The following ANKRD11 variants were observed in gnomAD, a reference collection of about 807,000 sequenced individuals.
ANKRD11 encodes ankyrin repeat domain-containing protein 11.
In ANKRD11, 17 loss-of-function variants were observed where a neutral mutation model predicts 195.7. The observed-to-expected ratio is 0.09, with a 90% CI of 0.06 to 0.13. The LOEUF (loss-of-function observed/expected upper bound fraction) is 0.13, where lower values mean the gene tolerates loss of function less well. Among genes scored for constraint, ANKRD11 ranks in the 10% least tolerant of loss-of-function variants. The pLI, the probability that ANKRD11 is intolerant of heterozygous loss-of-function variation, is 1.00. For missense variants in ANKRD11, 3,735 were observed against 3,566.1 expected, an observed-to-expected ratio of 1.05 and a Z score of -1.21; for synonymous variants, 1,953 against 1,528.1, an observed-to-expected ratio of 1.28 and a Z score of -6.49.
intron 1 of ANKRD11, among the ~76,000 whole-genome samples, chr16:89,418,781 G>A (rs1298879657): frequency 9.6e-6 from 1 of 104,154 alleles, no homozygotes; most frequent in East Asian, 2.7e-4. Flanking sequence ...TTTTTTTTTT[G>A]GAGACAGAGT....
intron 3 of ANKRD11, among the ~76,000 whole-genome samples, chr16:89,309,487 A>C (rs2036491450): frequency 6.6e-6 from 1 of 152,264 alleles, no homozygotes; most frequent in East Asian, 1.9e-4. Context: ...ATGTCTATCT[A>C]TAGTTCACTT....
chr16:89,468,547 A>T (rs2056959885), intron 1 of ANKRD11, among the ~76,000 whole-genome samples: 1 of 152,170 alleles, frequency 6.6e-6, no homozygotes, highest in African/African-American at 2.4e-5. Context: ...TCTACTAAAA[A>T]TACAAAAATT....
At chr16:89,304,336 G>GCA (rs139355034) in intron 4 of ANKRD11, among the ~76,000 whole-genome samples, 3 of 148,440 alleles carry the variant, frequency 2.0e-5, no homozygotes, top group Non-Finnish European at 4.5e-5. Flanking sequence ...ACACAGGCAT[G>GCA]CACACACACA....
Position 89,428,130 on chromosome 16 carries a change from C to T in ANKRD11, c.-144-9762G>A, listed in dbSNP as rs553299879. ...GGCTGAGGTGGGAGAATCACTTGAACCCAGGAGGCAGAGGTTGCAGTGAGC... is the reference window on the plus strand; with the variant it reads ...GGCTGAGGTGGGAGAATCACTTGAATCCAGGAGGCAGAGGTTGCAGTGAGC... On this transcript the variant is annotated intron_variant, in intron 1 of 12. Coordinates refer to ENST00000301030, the MANE Select transcript of ANKRD11 (RefSeq NM_013275.6). Among the ~76,000 whole-genome samples the T allele has an allele frequency of 9.9e-5, 15 of 152,120 alleles. No individual in the cohort carries two copies. In the East Asian group the frequency reaches 2.9e-3, roughly 29 times the overall value.
chr16:89,362,990 A>G lies in ANKRD11; in HGVS notation c.-59-45912T>C, dbSNP rs146468880. ...AACCGGACACAGCGTCAGGTTATAA[A>G]TGACCCTGGTCTCCTTTATCCGGTG... On this transcript the variant is annotated intron_variant, in intron 2 of 12. Transcript: ENST00000301030. Among the ~76,000 whole-genome samples the G allele has an allele frequency of 3.6e-3, 540 of 151,894 alleles. 13 individuals carry two copies. The highest frequency in any genetic ancestry group is 0.012 in the African/African-American group (509 of 41,148).
At chr16:89,347,481 G>A (rs1435452838) in intron 2 of ANKRD11, among the ~76,000 whole-genome samples, 1 of 152,036 alleles carries the variant, frequency 6.6e-6, no homozygotes, top group Non-Finnish European at 1.5e-5. Context: ...CGTGGTGGCA[G>A]GCGCCGGTAG....
chr16:89,483,616 G>T (rs1012313950), intron 1 of ANKRD11, among the ~76,000 whole-genome samples: 8 of 152,152 alleles, frequency 5.3e-5, no homozygotes, highest in Admixed American at 5.2e-4. Flanking sequence ...ATCACCTGAG[G>T]TCGGGAGTTT....
rs564914537 is a variant in ANKRD11 at position 89,470,487 on chromosome 16, G to C, written c.-145+19758C>G. 4.6e-5 allele frequency among the ~76,000 whole-genome samples: 7 copies of C among 151,270 alleles called. No individual in the cohort carries two copies. In the South Asian group the frequency reaches 6.3e-4, roughly 14 times the overall value. On this transcript the variant is annotated intron_variant, in intron 1 of 12. Transcript: ENST00000301030. ...TGTGTACAGACTAAACGTAGGTAGGGAATACTGGTTAACACCATAGACTGA... is the reference window on the plus strand; with the variant it reads ...TGTGTACAGACTAAACGTAGGTAGGCAATACTGGTTAACACCATAGACTGA...
At chr16:89,476,261 C>T (rs144540990) in intron 1 of ANKRD11, among the ~76,000 whole-genome samples, 1 of 152,216 alleles carries the variant, frequency 6.6e-6, no homozygotes, top group African/African-American at 2.4e-5. Flanking sequence ...TTTGACATCC[C>T]TAAAGCCACC....
chr16:89,359,653 G>A (rs750855710), intron 2 of ANKRD11, among the ~76,000 whole-genome samples: 14 of 152,138 alleles, frequency 9.2e-5, no homozygotes, highest in Non-Finnish European at 1.3e-4. Flanking sequence ...GAAGGTAGCC[G>A]GCTGTTCACC....
chr16:89,487,641 G>A (rs908683752), intron 1 of ANKRD11, among the ~76,000 whole-genome samples: 30 of 152,284 alleles, frequency 2.0e-4, no homozygotes, highest in African/African-American at 7.0e-4. Flanking sequence ...AGGCGTGGCG[G>A]TGGGCGCCTG....
At chr16:89,458,799 C>G (rs2056544578) in intron 1 of ANKRD11, 6 of 152,306 alleles carry the variant, frequency 3.9e-5, no homozygotes, top group Admixed American at 3.9e-4. Flanking sequence ...CACTGCGTGC[C>G]CTAGGCCTCA....
At chr16:89,451,350 GATC>G (rs2044062735) in intron 1 of ANKRD11, among the ~76,000 whole-genome samples, 2 of 151,860 alleles carry the variant, frequency 1.3e-5, no homozygotes, top group Non-Finnish European at 2.9e-5. Context: ...TGACAGGAGG[GATC>G]TTACTGAAGT....
At chr16:89,377,987 G>T (rs189778746) in intron 2 of ANKRD11, among the ~76,000 whole-genome samples, 30 of 152,028 alleles carry the variant, frequency 2.0e-4, no homozygotes, top group Admixed American at 1.4e-3. Context: ...TCTTCCTTAT[G>T]ATTTTCTTAA....
chr16:89,434,789 G>T (rs1485611994), intron 1 of ANKRD11, among the ~76,000 whole-genome samples: 2 of 152,326 alleles, frequency 1.3e-5, no homozygotes, highest in South Asian at 4.1e-4. Flanking sequence ...TAATAACAAA[G>T]ACAGGAAAGC....
chr16:89,417,372 T>G (rs562199424), intron 2 of ANKRD11, among the ~76,000 whole-genome samples: 14 of 152,346 alleles, frequency 9.2e-5, no homozygotes, highest in African/African-American at 3.4e-4. Context: ...TAGCCAAGTT[T>G]TCTCTTCAAC....
intron 1 of ANKRD11, among the ~76,000 whole-genome samples, chr16:89,452,203 A>G (rs532661126): frequency 9.9e-5 from 15 of 152,130 alleles, no homozygotes; most frequent in Non-Finnish European, 1.5e-4. Flanking sequence ...GGTTGCAGTA[A>G]GCCGAGATCA....
Position 89,285,736 on chromosome 16 carries a change from T to C in ANKRD11, c.893-87A>G, listed in dbSNP as rs574793423. 1.1e-4 allele frequency: 165 copies of C among 1,469,024 alleles called. No homozygotes were observed. The African/African-American group carries it at 2.0e-3, about 18-fold the overall frequency. 91.0% of individuals were successfully genotyped at this position (1,469,024 alleles called of 1,614,324 possible). On this transcript the variant is annotated intron_variant, in intron 8 of 12. Coordinates refer to ENST00000301030, the MANE Select transcript of ANKRD11 (RefSeq NM_013275.6). The surrounding 1 kb of genome is among the most constrained non-coding windows in gnomAD (Gnocchi z 5.6). ...AGAGGAGGGAGGCTCTGCAGATGTG[T>C]CTGCGGGAAGGTTCCCACCCTGCCT...
intron 2 of ANKRD11, among the ~76,000 whole-genome samples, chr16:89,382,225 GCAGGAGTGAC>G (rs2040689553): frequency 1.3e-5 from 2 of 152,116 alleles, no homozygotes; most frequent in Admixed American, 1.3e-4. Context: ...ACTGACCAGG[GCAGGAGTGAC>G]CCAAGCAAAG....
Sources: gnomAD v4.1 joint callset for allele counts (sites outside exome capture counted in the v4.1 genomes callset) on GRCh38, gnomAD v4.1.1 for gene constraint, Gnocchi (gnomAD v3.1) non-coding constraint, MANE v1.5 for transcripts, NCBI Gene and HGNC (gene_info 2026-07-23, HGNC 2026-07-21) for gene names.